Variants in SMIM19 observed in about 807,000 individuals in gnomAD.
SMIM19 encodes small integral membrane protein 19.
SMIM19 carries 6 observed loss-of-function variants against 13.2 expected under a neutral mutation model. That is an observed-to-expected ratio of 0.45 (90% CI 0.25 to 0.90). SMIM19 has a LOEUF of 0.90. Ranked by LOEUF, SMIM19 falls within the 40% of genes least tolerant of loss-of-function variation. The pLI is 0.19. For synonymous variants in SMIM19, 46 were observed against 43.1 expected, an observed-to-expected ratio of 1.07 and a Z score of -0.27; for missense variants, 138 against 131.0, an observed-to-expected ratio of 1.05 and a Z score of -0.26.
At chr8:42,541,437 C>G (rs1240515866), upstream of SMIM19, 1 of 147,126 alleles carries the variant, frequency 6.8e-6, no homozygotes, top group Non-Finnish European at 1.5e-5. Flanking sequence ...GGGAAAGGAG[C>G]CCGGCTCCAC....
In SMIM19 at chr8:42,546,561, T is replaced by G; in HGVS notation, c.89T>G (p.Leu30Trp). Reference sequence around the variant, plus strand: ...TGGAATGAAGCCACCAATGTTTACTTGATAGTTATCCTTGTTAGCTTCGGT... The same window carrying G: ...TGGAATGAAGCCACCAATGTTTACTGGATAGTTATCCTTGTTAGCTTCGGT... The part of the protein sequence containing the change: ...EAWNEATNVY[L>W]IVILVSFGLF... Residue 30 changes from leucine (L) to tryptophan (W), a missense_variant, in exon 2 of 4, where the codon TTG becomes TGG. Physicochemically the swap from Leu to Trp is moderately conservative, Grantham distance 61. Coordinates refer to ENST00000417410, the MANE Select transcript of SMIM19 (RefSeq NM_001135674.2). 1 of 1,614,268 alleles carries G rather than the reference T, an allele frequency of 6.2e-7. No homozygotes were observed. Among genetic ancestry groups the G allele is most frequent in the Non-Finnish European group, 8.5e-7 (1 of 1,180,042 alleles).
chr8:42,545,159 C>G (rs986051705), intron 1 of SMIM19, among the ~76,000 whole-genome samples: 1 of 152,104 alleles, frequency 6.6e-6, no homozygotes, highest in African/African-American at 2.4e-5. Flanking sequence ...CTTAGACTTA[C>G]CTTTTATGTC....
intron 1 of SMIM19, among the ~76,000 whole-genome samples, chr8:42,544,366 G>A (rs1270865634): frequency 2.7e-5 from 4 of 150,858 alleles, no homozygotes; most frequent in African/African-American, 4.9e-5. Flanking sequence ...AGCCGAGATC[G>A]TGCCACTGCA....
chr8:42,542,084 C>T lies in SMIM19; in HGVS notation c.-294C>T, dbSNP rs1290498776. On this transcript the variant is annotated 5_prime_UTR_variant, in exon 1 of 4. Transcript: ENST00000417410. ...TTCCTGGGAGAGGATTACATTTTCTCCCTGCTCCACTTGACTTTCTTCCGG... is the reference window on the plus strand; with the variant it reads ...TTCCTGGGAGAGGATTACATTTTCTTCCTGCTCCACTTGACTTTCTTCCGG... 1.3e-5 allele frequency: 2 copies of T among 152,240 alleles called. No individual in the cohort carries two copies. Among genetic ancestry groups the T allele is most frequent in the African/African-American group, 4.8e-5 (2 of 41,454 alleles). 9.4% of individuals were successfully genotyped at this position (152,240 alleles called of 1,614,324 possible).
At position 42,552,593 on chromosome 8, in the gene SMIM19, A is replaced by G; in HGVS notation, c.309A>G (p.Gln103=). 6.2e-7 allele frequency: 1 copy of G among 1,614,130 alleles called. No homozygotes were observed. The highest frequency in any genetic ancestry group is 8.5e-7 in the Non-Finnish European group (1 of 1,180,008). The change falls in exon 4 of 4, where the codon CAA becomes CAG. Residue 103 remains glutamine, a synonymous_variant. Transcript: ENST00000417410. ...QQPQNQADSV[Q]LSLE is the part of the protein sequence containing the mutation. ...CACAAAACCAAGCTGACAGTGTGCA[A>G]CTCTCATTGGAATGAAACCTCAGAA...
rs531045804 is a variant in SMIM19, at chr8:42,542,514, G to GT, written c.-5+142dup. The GT allele has an allele frequency of 4.4e-4, 427 of 975,552 alleles. 6 individuals are homozygous for GT. In the African/African-American group the frequency reaches 5.5e-3, roughly 13 times the overall value. 60.4% of individuals were successfully genotyped at this position (975,552 alleles called of 1,614,324 possible). On this transcript the variant is annotated intron_variant, in intron 1 of 3. Coordinates refer to ENST00000417410, the MANE Select transcript of SMIM19 (RefSeq NM_001135674.2). ...GGTTCCAATGTGAATTTGTATCAAAGTAACAAAGTTCTAAGTGAGAGACAA... is the reference window on the plus strand; with the variant it reads ...GGTTCCAATGTGAATTTGTATCAAAGTTAACAAAGTTCTAAGTGAGAGACAA...
rs1298604683 is a variant in SMIM19, at chr8:42,554,928, T to C, written c.*2320T>C. 1.3e-5 allele frequency: 2 copies of C among 152,244 alleles called. No individual in the cohort carries two copies. The highest frequency in any genetic ancestry group is 4.8e-5 in the African/African-American group (2 of 41,460). 9.4% of individuals were successfully genotyped at this position (152,244 alleles called of 1,614,324 possible). The stretch of plus-strand genomic sequence containing the variant: ...TGAGTGTGTTAAATAACTGGCTGTT[T>C]AGCTGATGCCAGCCAGCTGCGTGAA... On this transcript the variant is annotated 3_prime_UTR_variant, in exon 4 of 4. Transcript: ENST00000417410.
At position 42,552,885 on chromosome 8, in the gene SMIM19, G is replaced by A; in HGVS notation, c.*277G>A. ...GTGATTCCTTCAGGATACAATCAGT[G>A]AGAAATAAAAACACATCTTGGGAAG... On this transcript the variant is annotated 3_prime_UTR_variant, in exon 4 of 4. Transcript: ENST00000417410. The A allele has an allele frequency of 3.0e-6, 1 of 336,336 alleles. No homozygotes were observed. The highest frequency in any genetic ancestry group is 5.4e-6 in the Non-Finnish European group (1 of 186,230). The allele number at this position is 336,336 out of a possible 1,614,324, so 20.8% of individuals were successfully genotyped here. A position where few individuals can be genotyped will look rare whatever the true frequency, so the allele number is the denominator to read the frequency against.
At chr8:42,550,782 C>A (rs1813648625) in intron 3 of SMIM19, among the ~76,000 whole-genome samples, 1 of 152,076 alleles carries the variant, frequency 6.6e-6, no homozygotes, top group African/African-American at 2.4e-5. Flanking sequence ...CTTTGGGGGC[C>A]ATTATGCTTA....
rs1199805944 is a variant in SMIM19, at chr8:42,554,272, CAG to C, written c.*1667_*1668del. 1.3e-5 allele frequency: 2 copies of C among 152,164 alleles called. No individual in the cohort carries two copies. Among genetic ancestry groups the C allele is most frequent in the Non-Finnish European group, 2.9e-5 (2 of 68,028 alleles). The allele number at this position is 152,164 out of a possible 1,614,324, so 9.4% of individuals were successfully genotyped here. A position where few individuals can be genotyped will look rare whatever the true frequency, so the allele number is the denominator to read the frequency against. On this transcript the variant is annotated 3_prime_UTR_variant, in exon 4 of 4. Coordinates refer to ENST00000417410, the MANE Select transcript of SMIM19 (RefSeq NM_001135674.2). ...CAGTTGTAATTATGGGTTGTAGTAACAGAGCAACAAGGGGACAATCTTCTAAA... is the reference window on the plus strand; with the variant it reads ...CAGTTGTAATTATGGGTTGTAGTAACAGCAACAAGGGGACAATCTTCTAAA...
At position 42,553,614 on chromosome 8, in the gene SMIM19, TG is replaced by T. The variant is rs757141111; in HGVS notation, c.*1009del. 2.6e-5 allele frequency: 4 copies of T among 152,230 alleles called. No homozygotes were observed. The highest frequency in any genetic ancestry group is 4.4e-5 in the Non-Finnish European group (3 of 68,044). The allele number at this position is 152,230 out of a possible 1,614,324, so 9.4% of individuals were successfully genotyped here. A position where few individuals can be genotyped will look rare whatever the true frequency, so the allele number is the denominator to read the frequency against. On this transcript the variant is annotated 3_prime_UTR_variant, in exon 4 of 4. Transcript: ENST00000417410. ...CATGTTTATTTAAATAAAAGCTGAC[TG>T]GGTAATAGTGGGGAAGTTTAATTGT...
intron 1 of SMIM19, among the ~76,000 whole-genome samples, chr8:42,545,832 GTC>G (rs976971571): frequency 9.2e-5 from 14 of 152,254 alleles, no homozygotes; most frequent in African/African-American, 3.1e-4. Flanking sequence ...GCCCAGCAGA[GTC>G]TCTGTTTTAA....
rs1813562382 is a variant in SMIM19 at position 42,548,561 on chromosome 8, C to G, written c.135-95C>G. The G allele has an allele frequency of 3.9e-6, 6 of 1,527,524 alleles. No homozygotes were observed. The East Asian group carries it at 1.4e-4, about 35-fold the overall frequency. 94.6% of individuals were successfully genotyped at this position (1,527,524 alleles called of 1,614,324 possible). ...GTAAAATGGTCTTGTCATTTAAGTC[C>G]TTTTACCACAGCTTCTGATGACCAG... On this transcript the variant is annotated intron_variant, in intron 2 of 3. Transcript: ENST00000417410.
chr8:42,554,170 G>C lies in SMIM19; in HGVS notation c.*1562G>C, dbSNP rs1311563814. On this transcript the variant is annotated 3_prime_UTR_variant, in exon 4 of 4. Transcript: ENST00000417410. ...TAGTACAAAGTGAATTGACCAAACA[G>C]AATAATTCTTAACTCACAAAGGAGT... The C allele has an allele frequency of 6.6e-6, 1 of 152,176 alleles. No individual in the cohort carries two copies. Among genetic ancestry groups the C allele is most frequent in the African/African-American group, 2.4e-5 (1 of 41,442 alleles). The allele number at this position is 152,176 out of a possible 1,614,324, so 9.4% of individuals were successfully genotyped here. A position where few individuals can be genotyped will look rare whatever the true frequency, so the allele number is the denominator to read the frequency against.
rs1387281952 is a variant in SMIM19, at chr8:42,554,578, T to A, written c.*1970T>A. 6.6e-6 allele frequency: 1 copy of A among 152,150 alleles called. No individual in the cohort carries two copies. Among genetic ancestry groups the A allele is most frequent in the African/African-American group, 2.4e-5 (1 of 41,430 alleles). 9.4% of individuals were successfully genotyped at this position (152,150 alleles called of 1,614,324 possible). A position where few individuals can be genotyped will look rare whatever the true frequency, so the allele number is the denominator to read the frequency against. On this transcript the variant is annotated 3_prime_UTR_variant, in exon 4 of 4. Transcript: ENST00000417410. ...AGGAGATGAATTCCTCTCCGTTTTT[T>A]CCTTAAAGCAAACTGATGGGAATTG...
Position 42,542,379 on chromosome 8 carries a change from T to TA in SMIM19, c.-5+7dup. ...GGGTGAAGGCCTGTGAGCTTGTATG[T>TA]ACCCTTTGGCTTCAGAATACCAAGC... On this transcript the variant is annotated splice_region_variant and intron_variant, in intron 1 of 3. Transcript: ENST00000417410. The TA allele has an allele frequency of 1.1e-6, 1 of 952,062 alleles. No individual in the cohort carries two copies. Among genetic ancestry groups the TA allele is most frequent in the Non-Finnish European group, 1.3e-6 (1 of 799,578 alleles). The allele number at this position is 952,062 out of a possible 1,614,324, so 59.0% of individuals were successfully genotyped here.
intron 1 of SMIM19, among the ~76,000 whole-genome samples, chr8:42,544,521 A>AGATAGTGCATCT (rs1563566941): frequency 1.4e-4 from 5 of 36,346 alleles, no homozygotes; most frequent in African/African-American, 3.7e-4. Flanking sequence ...TCTAGTGTTT[A>AGATAGTGCATCT]AACAATATTT....
Position 42,552,279 on chromosome 8 carries a change from G to A in SMIM19, c.260-265G>A, listed in dbSNP as rs572202032. 2.0e-5 allele frequency among the ~76,000 whole-genome samples: 3 copies of A among 152,216 alleles called. No individual in the cohort carries two copies. The South Asian group carries it at 6.2e-4, about 32-fold the overall frequency. The stretch of plus-strand genomic sequence containing the variant: ...GCAAAAAATAAAAAATTAGCCGGGT[G>A]TGGTGGTGTCTGTCTGTGGTCTCAG... On this transcript the variant is annotated intron_variant, in intron 3 of 3. Transcript: ENST00000417410.
Position 42,552,708 on chromosome 8 carries a change from AT to A in SMIM19, c.*104del. 7.3e-7 allele frequency: 1 copy of A among 1,362,162 alleles called. No individual in the cohort carries two copies. Among genetic ancestry groups the A allele is most frequent in the Non-Finnish European group, 1.0e-6 (1 of 972,546 alleles). 84.4% of individuals were successfully genotyped at this position (1,362,162 alleles called of 1,614,324 possible). A position where few individuals can be genotyped will look rare whatever the true frequency, so the allele number is the denominator to read the frequency against. ...AAAACATTTCTGTCTGCATAAAATT[AT>A]TTTACTTGTAACTTTTCCCCAATTG... On this transcript the variant is annotated 3_prime_UTR_variant, in exon 4 of 4. Transcript: ENST00000417410.
Sources: gnomAD v4.1 joint callset for allele counts (sites outside exome capture counted in the v4.1 genomes callset) on GRCh38, gnomAD v4.1.1 for gene constraint, MANE v1.5 for transcripts, NCBI Gene and HGNC (gene_info 2026-07-23, HGNC 2026-07-21) for gene names.